Variants in AFF4 observed in about 807,000 individuals in gnomAD.
The protein encoded by AFF4 is ALF transcription elongation factor 4.
In AFF4, 13 loss-of-function variants were observed where a neutral mutation model predicts 124.8. The observed-to-expected ratio is 0.10, with a 90% CI of 0.07 to 0.17. The LOEUF (loss-of-function observed/expected upper bound fraction) is 0.17, where lower values mean the gene tolerates loss of function less well. AFF4 is among the 10% of genes least tolerant of loss of function. The pLI, the probability that AFF4 is intolerant of heterozygous loss-of-function variation, is 1.00. For synonymous variants in AFF4, 477 were observed against 496.1 expected (o/e 0.96, Z 0.51); for missense variants, 1,092 against 1,403.8 (o/e 0.78, Z 3.55).
At chr5:132,955,795 AATATAT>A (rs966690877) in intron 1 of AFF4, among the ~76,000 whole-genome samples, 6,975 of 116,590 alleles carry the variant, frequency 0.06, 280 homozygotes, top group Middle Eastern at 0.088. Flanking sequence ...AAAAAAAAAA[AATATAT>A]ATATATATAT....
In AFF4 at chr5:132,892,546, A is replaced by G. The variant is rs565109106; in HGVS notation, c.2397-142T>C. 115 of 1,283,524 alleles carry G rather than the reference A, an allele frequency of 9.0e-5. 1 individual carries two copies. Among genetic ancestry groups the G allele is most frequent in the South Asian group, 3.9e-4 (26 of 66,718 alleles). The allele number at this position is 1,283,524 out of a possible 1,614,324, so 79.5% of individuals were successfully genotyped here. ...GGACACATGATTTCTATAAAACAAA[A>G]TAAGACTGTAAATTCCATGAAGGTA... On this transcript the variant is annotated intron_variant, in intron 12 of 20. Coordinates refer to ENST00000265343, the MANE Select transcript of AFF4 (RefSeq NM_014423.4).
rs1247404017 is a variant in AFF4, at chr5:132,903,190, G to A, written c.1088-703C>T. 3.3e-5 allele frequency among the ~76,000 whole-genome samples: 5 copies of A among 152,164 alleles called. No individual in the cohort carries two copies. The East Asian group carries it at 7.7e-4, about 23-fold the overall frequency. On this transcript the variant is annotated intron_variant, in intron 6 of 20. Transcript: ENST00000265343. ...GAAAATGTAAATTCTCTGGCCTATA[G>A]TTAGCTATTTTCTGCATTTTAACAT...
At chr5:132,956,634 A>G (rs547271168) in intron 1 of AFF4, among the ~76,000 whole-genome samples, 95 of 124,758 alleles carry the variant, frequency 7.6e-4, no homozygotes, top group African/African-American at 3.4e-3. Context: ...TCCATCTCAG[A>G]AAAAAAAAAA....
intron 11 of AFF4, 96 bp from the exon 12 acceptor site, chr5:132,893,214 T>G (rs1760307108): frequency 2.1e-6 from 2 of 975,022 alleles, no homozygotes; most frequent in African/African-American, 3.3e-5. Flanking sequence ...TGATTAGGCA[T>G]CAGAAAGAAG....
At chr5:132,887,368 A>G (rs143746254) in intron 17 of AFF4, among the ~76,000 whole-genome samples, 153 bp downstream of exon 17, 13 of 152,342 alleles carry the variant, frequency 8.5e-5, no homozygotes, top group African/African-American at 2.4e-4. Context: ...TTCAGTAGGA[A>G]TTTTGAGTTA....
chr5:132,895,607 A>G (rs1379924103), intron 11 of AFF4, among the ~76,000 whole-genome samples: 3 of 152,220 alleles, frequency 2.0e-5, no homozygotes, highest in African/African-American at 2.4e-5. Context: ...AAAACTTTAC[A>G]TTCTCCTGTA....
chr5:132,946,257 C>T (rs892105459), intron 1 of AFF4, among the ~76,000 whole-genome samples: 2 of 152,082 alleles, frequency 1.3e-5, no homozygotes, highest in Admixed American at 6.6e-5. Flanking sequence ...ATTGGCAGTT[C>T]CTCAAAAACT....
intron 5 of AFF4, among the ~76,000 whole-genome samples, chr5:132,924,445 G>A (rs1041918801): frequency 6.6e-6 from 1 of 152,186 alleles, no homozygotes; most frequent in African/African-American, 2.4e-5. Flanking sequence ...ATTGCATAGG[G>A]ACAGTGGTGG....
At chr5:132,961,392 T>C (rs535941011) in intron 1 of AFF4, among the ~76,000 whole-genome samples, 13 of 152,230 alleles carry the variant, frequency 8.5e-5, no homozygotes, top group African/African-American at 3.1e-4. Context: ...AATTCTTGTA[T>C]TTTTAGTAGA....
intron 5 of AFF4, among the ~76,000 whole-genome samples, chr5:132,920,023 T>A (rs2150088033): frequency 6.6e-6 from 1 of 151,798 alleles, no homozygotes. Context: ...CATAGGAGGA[T>A]TTGGGTTAGG....
At chr5:132,898,628 C>T (rs1337505638) in intron 9 of AFF4, among the ~76,000 whole-genome samples, 1 of 152,086 alleles carries the variant, frequency 6.6e-6, no homozygotes, top group East Asian at 1.9e-4. Flanking sequence ...GGACTACAGG[C>T]GTCCACCACC....
At chr5:132,926,149 T>C (rs1415611975) in intron 5 of AFF4, 2 of 363,444 alleles carry the variant, frequency 5.5e-6, no homozygotes, top group Non-Finnish European at 1.1e-5. Context: ...TAGAAATAAA[T>C]AAGAAAATGC....
intron 5 of AFF4, among the ~76,000 whole-genome samples, chr5:132,906,059 T>G (rs370304679): frequency 1.3e-5 from 2 of 152,084 alleles, no homozygotes; most frequent in South Asian, 2.1e-4. Context: ...GAAATACAAA[T>G]CTACAATGAG....
In AFF4 at chr5:132,896,349, A is replaced by C; in HGVS notation, c.2281T>G (p.Ser761Ala). The C allele has an allele frequency of 1.3e-6, 2 of 1,596,532 alleles. No individual in the cohort carries two copies. The highest frequency in any genetic ancestry group is 1.7e-6 in the Non-Finnish European group (2 of 1,175,614). ...EAQKQASEKV[S>A]NKGKRKHKNE... ...TTATGCTTCCTCTTGCCTTTGTTGG[A>C]AACTTTTTCTGAGGCTTGTTTCTGA... The change falls in exon 11 of 21, where the codon TCC becomes GCC. Residue 761 changes from serine (S) to alanine (A), a missense_variant. Physicochemically the swap from Ser to Ala is moderately conservative, Grantham distance 99. Around this residue, in one of 11 missense-constraint regions of AFF4, gnomAD observed 293 missense variants for 280.2 expected, o/e 1.05. Coordinates refer to ENST00000265343, the MANE Select transcript of AFF4 (RefSeq NM_014423.4).
At chr5:132,915,033 C>T (rs1008733697) in intron 5 of AFF4, among the ~76,000 whole-genome samples, 7 of 151,908 alleles carry the variant, frequency 4.6e-5, no homozygotes, top group African/African-American at 1.7e-4. Context: ...TTCTAACAAA[C>T]ACTTAAAAAA....
At chr5:132,920,511 C>T (rs144135185) in intron 5 of AFF4, among the ~76,000 whole-genome samples, 82 of 151,818 alleles carry the variant, frequency 5.4e-4, no homozygotes, top group African/African-American at 1.5e-3. Context: ...CATGCCACCA[C>T]GCCTGGCTAA....
At chr5:132,911,059 C>A (rs1172888874) in intron 5 of AFF4, among the ~76,000 whole-genome samples, 1 of 152,214 alleles carries the variant, frequency 6.6e-6, no homozygotes, top group African/African-American at 2.4e-5. Flanking sequence ...TACTTGGGCA[C>A]TGAATCTCAA....
intron 18 of AFF4, among the ~76,000 whole-genome samples, chr5:132,885,803 C>G (rs909118590): frequency 1.3e-5 from 2 of 152,148 alleles, no homozygotes; most frequent in African/African-American, 4.8e-5. Flanking sequence ...GACAGAGTCT[C>G]TCTCTCTGTC....
chr5:132,932,108 A>T, intron 4 of AFF4, 70 bp downstream of exon 4: 1 of 1,121,120 alleles, frequency 8.9e-7, no homozygotes, highest in Non-Finnish European at 1.3e-6. Context: ...ATACAGGTAG[A>T]AAGAGGGTAA....
Sources: gnomAD v4.1 joint callset for allele counts (sites outside exome capture counted in the v4.1 genomes callset) on GRCh38, gnomAD v4.1.1 for gene constraint, gnomAD v4.1.1 regional missense constraint, MANE v1.5 for transcripts, NCBI Gene and HGNC (gene_info 2026-07-23, HGNC 2026-07-21) for gene names.